Variants in TTC12 observed in about 807,000 individuals in gnomAD.
TTC12 encodes tetratricopeptide repeat domain 12.
TTC12 carries 70 observed loss-of-function variants against 90.1 expected under a neutral mutation model. The observed-to-expected ratio is 0.78, with a 90% CI of 0.64 to 0.95. The LOEUF (loss-of-function observed/expected upper bound fraction) is 0.95. Among genes scored for constraint, TTC12 ranks in the 40% least tolerant of loss-of-function variants. The pLI is 0.00. For synonymous variants in TTC12, 296 were observed against 311.5 expected, an observed-to-expected ratio of 0.95 and a Z score of 0.53; for missense variants, 819 against 846.1, an observed-to-expected ratio of 0.97 and a Z score of 0.40.
intron 7 of TTC12, among the ~76,000 whole-genome samples, chr11:113,333,398 G>A (rs1948172613): frequency 6.6e-6 from 1 of 152,074 alleles, no homozygotes; most frequent in Non-Finnish European, 1.5e-5. Flanking sequence ...CTGCATTTTA[G>A]AGAATATTTT....
At chr11:113,319,600 G>A (rs1015980251) in intron 2 of TTC12, among the ~76,000 whole-genome samples, 11 of 151,494 alleles carry the variant, frequency 7.3e-5, no homozygotes, top group Admixed American at 3.3e-4. Flanking sequence ...AAAGTAGTAT[G>A]TACTAAAATT....
intron 8 of TTC12, 65 bp from the exon 9 acceptor site, chr11:113,338,709 C>T (rs567492345): frequency 7.7e-7 from 1 of 1,293,724 alleles, no homozygotes; most frequent in East Asian, 2.3e-5. Context: ...CCAATGACAC[C>T]CAGTGTCTTT....
chr11:113,338,308 C>T (rs996903565), intron 8 of TTC12, among the ~76,000 whole-genome samples: 15 of 152,138 alleles, frequency 9.9e-5, no homozygotes, highest in Non-Finnish European at 1.9e-4. Flanking sequence ...GATCCCTTAC[C>T]GGTTCTCTTC....
intron 16 of TTC12, among the ~76,000 whole-genome samples, chr11:113,357,721 G>A (rs530068893): frequency 1.3e-4 from 20 of 152,240 alleles, no homozygotes; most frequent in African/African-American, 4.8e-4. Flanking sequence ...CCCAACTTCT[G>A]GACTGGATGC....
At chr11:113,356,297 T>C (rs1393018152) in intron 16 of TTC12, among the ~76,000 whole-genome samples, 3 of 152,320 alleles carry the variant, frequency 2.0e-5, no homozygotes, top group African/African-American at 7.2e-5. Context: ...GCTTAGTAGA[T>C]TTTTCTCCAT....
downstream of TTC12, chr11:113,366,445 A>G (rs1469239310): frequency 4.9e-5 from 71 of 1,448,612 alleles, no homozygotes; most frequent in Middle Eastern, 1.9e-4. Flanking sequence ...CACGGGTAAC[A>G]AGAGAGTGGG....
intron 21 of TTC12, chr11:113,373,106 A>G (rs1323278714): frequency 1.4e-6 from 1 of 722,634 alleles, no homozygotes; most frequent in Non-Finnish European, 1.7e-6. Context: ...GGGTTCTATC[A>G]TTATTCTCCC....
At chr11:113,323,138 T>C (rs1406797878) in intron 2 of TTC12, 150 bp from the exon 3 acceptor site, 14 of 478,576 alleles carry the variant, frequency 2.9e-5, no homozygotes, top group Admixed American at 2.8e-4. Context: ...GTTAATTTTT[T>C]CTCATTGGTT....
At chr11:113,362,531 T>A in intron 19 of TTC12, 29 bp downstream of exon 19, 1 of 1,431,148 alleles carries the variant, frequency 7.0e-7, no homozygotes, top group South Asian at 1.1e-5. Context: ...TTACAACCCC[T>A]GAAATGTACA....
At position 113,323,256 on chromosome 11, in the gene TTC12, TTTGA is replaced by T. The variant is rs1184553342; in HGVS notation, c.59-29_59-26del. 3 of 1,514,914 alleles carry T rather than the reference TTTGA, an allele frequency of 2.0e-6. No individual in the cohort carries two copies. In the African/African-American group the frequency reaches 4.2e-5, roughly 21 times the overall value. 93.8% of individuals were successfully genotyped at this position (1,514,914 alleles called of 1,614,324 possible). ...TGAATAGAGTCTTTTGAATATCTTG[TTTGA>T]TTAAGTCACACCTGATTTCTTCTCT... On this transcript the variant is annotated intron_variant, in intron 2 of 21. Transcript: ENST00000529221.
rs183889152 is a variant in TTC12 at position 113,358,095 on chromosome 11, C to T, written c.1447-1268C>T. 1.0e-3 allele frequency among the ~76,000 whole-genome samples: 156 copies of T among 152,228 alleles called. 1 individual carries two copies. The highest frequency in any genetic ancestry group is 3.4e-3 in the Middle Eastern group (1 of 294). ...TGTGCCTCACAAGCAGAGGAGGTTG[C>T]TCCTAGGGGGAGAAGGATCTGCTAT... is the stretch of plus-strand genomic sequence containing the variant. On this transcript the variant is annotated intron_variant, in intron 16 of 21. Coordinates refer to ENST00000529221, the MANE Select transcript of TTC12 (RefSeq NM_017868.4).
At chr11:113,369,176 G>C (rs1025198402), downstream of TTC12, 2 of 152,840 alleles carry the variant, frequency 1.3e-5, no homozygotes, top group Non-Finnish European at 2.9e-5. Context: ...GGCCAGGCTG[G>C]AGTGCAGTGG....
chr11:113,368,619 G>T, downstream of TTC12: 1 of 937,348 alleles, frequency 1.1e-6, no homozygotes. Flanking sequence ...CATACATGAC[G>T]TGAGGACGGT....
At chr11:113,328,065 T>TA (rs1290744963) in intron 6 of TTC12, among the ~76,000 whole-genome samples, 1 of 152,184 alleles carries the variant, frequency 6.6e-6, no homozygotes, top group Non-Finnish European at 1.5e-5. Flanking sequence ...GGTTCGTTGT[T>TA]AAGATTGTGT....
chr11:113,328,202 G>A (rs1947811974), intron 6 of TTC12, among the ~76,000 whole-genome samples: 1 of 152,192 alleles, frequency 6.6e-6, no homozygotes, highest in Non-Finnish European at 1.5e-5. Flanking sequence ...CGTACAAATG[G>A]GATGATCGAT....
At position 113,364,804 on chromosome 11, in the gene TTC12, A is replaced by G. The variant is rs776304754; in HGVS notation, c.1817-31A>G. On this transcript the variant is annotated intron_variant, in intron 20 of 21. Transcript: ENST00000529221. Reference sequence around the variant, plus strand: ...AGCCTCCTATTTTGGGATTAAAAGGAGCTGTTGCTTGTTCTCTTCTTTCCC... The same window carrying G: ...AGCCTCCTATTTTGGGATTAAAAGGGGCTGTTGCTTGTTCTCTTCTTTCCC... 4 of 1,590,168 alleles carry G rather than the reference A, an allele frequency of 2.5e-6. No homozygotes were observed. In the East Asian group the frequency reaches 8.9e-5, roughly 36 times the overall value.
chr11:113,363,648 G>A (rs1950055398), intron 19 of TTC12, among the ~76,000 whole-genome samples, 180 bp from the exon 20 acceptor site: 1 of 152,204 alleles, frequency 6.6e-6, no homozygotes, highest in South Asian at 2.1e-4. Context: ...GAGGATGCGG[G>A]TGACACTCTG....
intron 21 of TTC12, 138 bp from the exon 22 acceptor site, chr11:113,366,087 C>A: frequency 2.3e-6 from 2 of 881,268 alleles, no homozygotes; most frequent in Non-Finnish European, 3.6e-6. Context: ...CCCAATGCCA[C>A]AGCCACTTCC....
At chr11:113,325,794 A>T (rs1222671166) in intron 6 of TTC12, 149 bp downstream of exon 6, 4 of 952,468 alleles carry the variant, frequency 4.2e-6, no homozygotes, top group African/African-American at 1.6e-5. Context: ...TGACTTATAC[A>T]CAGCATTTAC....
Sources: gnomAD v4.1 joint callset for allele counts (sites outside exome capture counted in the v4.1 genomes callset) on GRCh38, gnomAD v4.1.1 for gene constraint, MANE v1.5 for transcripts, NCBI Gene and HGNC (gene_info 2026-07-23, HGNC 2026-07-21) for gene names.